The following VRTN variants were observed in gnomAD, a reference collection of about 807,000 sequenced individuals.
VRTN encodes the protein vertnin.
Under a neutral mutation model 18.2 loss-of-function variants are expected in VRTN, and 5 were observed. The ratio of observed to expected loss-of-function variants is 0.27; its 90% CI spans 0.14 to 0.58. VRTN has a LOEUF of 0.58. Ranked by LOEUF, VRTN falls within the 20% of genes least tolerant of loss-of-function variation. The pLI is 0.91. For missense variants in VRTN, 741 were observed against 939.4 expected (o/e 0.79, Z 2.76); for synonymous variants, 381 against 393.7 (o/e 0.97, Z 0.38).
Position 74,357,269 on chromosome 14 carries a change from G to A in VRTN, c.486G>A (p.Lys162=). ...TLEAIFDADV[K]ASCFPSSFSN... ...AGGCCATCTTCGATGCCGACGTCAA[G>A]GCCTCCTGTTTCCCCAGCAGCTTCT... is the stretch of plus-strand genomic sequence containing the variant. Residue 162 remains lysine (K), a synonymous_variant, in exon 2 of 2, where the codon AAG becomes AAA. Transcript: ENST00000256362. The surrounding 1 kb of genome is among the most constrained non-coding windows in gnomAD (Gnocchi z 7.8). 1.2e-6 allele frequency: 2 copies of A among 1,613,714 alleles called. No individual in the cohort carries two copies. The highest frequency in any genetic ancestry group is 1.7e-6 in the Non-Finnish European group (2 of 1,179,740).
chr14:74,337,785 C>A (rs1456968001), exon 2 of VRTN: 1 of 152,068 alleles, frequency 6.6e-6, no homozygotes, highest in Non-Finnish European at 1.5e-5. Flanking sequence ...TATCAAAGAC[C>A]CTGCAAACAA....
At chr14:74,350,618 T>C (rs886597891) in intron 1 of VRTN, among the ~76,000 whole-genome samples, 4 of 152,344 alleles carry the variant, frequency 2.6e-5, no homozygotes, top group Non-Finnish European at 4.4e-5. Flanking sequence ...GATGGAATTA[T>C]AGTGCTTAGA....
At chr14:74,324,387 CAAAA>C (rs34158619) in intron 1 of VRTN, among the ~76,000 whole-genome samples, 6 of 73,178 alleles carry the variant, frequency 8.2e-5, no homozygotes, top group African/African-American at 9.6e-5. Context: ...GACTCTGACT[CAAAA>C]AAAAAAAAAA....
intron 1 of VRTN, among the ~76,000 whole-genome samples, chr14:74,323,270 G>A (rs954542530): frequency 4.6e-5 from 7 of 152,036 alleles, no homozygotes; most frequent in African/African-American, 1.7e-4. Context: ...GAGGTTTGAA[G>A]GTGAGGATAC....
At chr14:74,350,802 A>G (rs1308230307) in intron 1 of VRTN, among the ~76,000 whole-genome samples, 1 of 152,230 alleles carries the variant, frequency 6.6e-6, no homozygotes, top group African/African-American at 2.4e-5. Context: ...GGTGAGAACC[A>G]CATATAAACA....
intron 1 of VRTN, among the ~76,000 whole-genome samples, chr14:74,320,317 G>A (rs1339981105): frequency 7.5e-6 from 1 of 133,718 alleles, no homozygotes; most frequent in Non-Finnish European, 1.5e-5. Flanking sequence ...CTGGAGTGCA[G>A]TGGCACAATC....
At chr14:74,329,735 T>C (rs1019249720) in intron 1 of VRTN, among the ~76,000 whole-genome samples, 18 of 151,962 alleles carry the variant, frequency 1.2e-4, no homozygotes, top group Admixed American at 2.0e-4. Context: ...TGTGCCACCA[T>C]GCCCAGCTAA....
At chr14:74,311,417 A>ATTTTTTTTTTTTT (rs397966191) in intron 1 of VRTN, among the ~76,000 whole-genome samples, 1 of 139,336 alleles carries the variant, frequency 7.2e-6, no homozygotes. Context: ...TGCAGCTTGC[A>ATTTTTTTTTTTTT]TTTTTTTTTT....
At chr14:74,312,755 T>TG (rs2085396246) in intron 1 of VRTN, among the ~76,000 whole-genome samples, 4 of 27,960 alleles carry the variant, frequency 1.4e-4, no homozygotes, top group Admixed American at 1.1e-3. Context: ...CTGGCCTGTG[T>TG]TTTTTTTTTT....
rs1312937307 is a variant in VRTN, at chr14:74,357,461, C to T, written c.678C>T (p.Pro226=). 4.3e-6 allele frequency: 7 copies of T among 1,611,970 alleles called. No individual in the cohort carries two copies. The Admixed American group carries it at 6.7e-5, about 15-fold the overall frequency. ...STLHIMWAGQ[P]LTSHFFRHQY... Reference sequence around the variant, plus strand: ...TGCACATCATGTGGGCTGGCCAGCCCCTCACCAGCCACTTCTTCCGCCACC... The same window carrying T: ...TGCACATCATGTGGGCTGGCCAGCCTCTCACCAGCCACTTCTTCCGCCACC... Residue 226 remains proline (P), a synonymous_variant, in exon 2 of 2, where the codon CCC becomes CCT. Coordinates refer to ENST00000256362, the MANE Select transcript of VRTN (RefSeq NM_018228.3). The surrounding 1 kb of genome is among the most constrained non-coding windows in gnomAD (Gnocchi z 7.8).
intron 1 of VRTN, chr14:74,306,199 C>T (rs1169776003): frequency 9.2e-6 from 1 of 109,120 alleles, no homozygotes; most frequent in Non-Finnish European, 1.7e-5. Flanking sequence ...GAGACAGAGT[C>T]TTGCTCTGTT....
At chr14:74,329,361 A>G (rs2085507418) in intron 1 of VRTN, among the ~76,000 whole-genome samples, 1 of 151,628 alleles carries the variant, frequency 6.6e-6, no homozygotes, top group African/African-American at 2.4e-5. Context: ...TGATCCTCCC[A>G]TCTCAGCTTC....
At chr14:74,303,911 G>A (rs556265226) in intron 1 of VRTN, among the ~76,000 whole-genome samples, 98 of 146,842 alleles carry the variant, frequency 6.7e-4, no homozygotes, top group African/African-American at 2.4e-3. Context: ...GAGTGCAATG[G>A]CGCGATATCG....
chr14:74,353,377 C>T (rs1048407636), intron 1 of VRTN, among the ~76,000 whole-genome samples: 2 of 152,188 alleles, frequency 1.3e-5, no homozygotes, highest in African/African-American at 4.8e-5. Context: ...TCAGTTTCCT[C>T]ACCTGTAAAT....
At chr14:74,316,935 A>C (rs945470791) in intron 1 of VRTN, among the ~76,000 whole-genome samples, 2 of 151,950 alleles carry the variant, frequency 1.3e-5, no homozygotes, top group African/African-American at 4.8e-5. Flanking sequence ...CCGCCCGGCA[A>C]GGAGGGATTA....
At chr14:74,335,479 T>G (rs1233410078) in intron 1 of VRTN, among the ~76,000 whole-genome samples, 4 of 152,208 alleles carry the variant, frequency 2.6e-5, no homozygotes, top group Non-Finnish European at 5.9e-5. Flanking sequence ...TAATATTAAT[T>G]GAGCATTTTG....
chr14:74,306,160 A>G (rs1302581017), intron 1 of VRTN: 5 of 61,942 alleles, frequency 8.1e-5, no homozygotes, highest in Non-Finnish European at 1.1e-4. Flanking sequence ...ATATATATAT[A>G]TATATATATA....
Position 74,357,116 on chromosome 14 carries a change from G to A in VRTN, c.333G>A (p.Glu111=). 3.1e-6 allele frequency: 5 copies of A among 1,601,694 alleles called. No individual in the cohort carries two copies. The highest frequency in any genetic ancestry group is 4.3e-6 in the Non-Finnish European group (5 of 1,176,286). The change falls in exon 2 of 2, where the codon GAG becomes GAA. Residue 111 remains glutamate (E), a synonymous_variant. Coordinates refer to ENST00000256362, the MANE Select transcript of VRTN (RefSeq NM_018228.3). The surrounding 1 kb of genome is among the most constrained non-coding windows in gnomAD (Gnocchi z 7.8). ...SLELRARTVV[E]MLLHRHYYLQ... is the part of the protein sequence containing the mutation. ...AGCTGCGGGCCCGCACCGTGGTAGA[G>A]ATGCTGCTGCACAGACACTACTACC... is the stretch of plus-strand genomic sequence containing the variant.
At chr14:74,317,357 C>A (rs1328275690) in intron 1 of VRTN, among the ~76,000 whole-genome samples, 1 of 152,186 alleles carries the variant, frequency 6.6e-6, no homozygotes, top group East Asian at 1.9e-4. Flanking sequence ...TTCTCCCCAA[C>A]TCTCCCTACC....
Sources: gnomAD v4.1 joint callset for allele counts (sites outside exome capture counted in the v4.1 genomes callset) on GRCh38, gnomAD v4.1.1 for gene constraint, Gnocchi (gnomAD v3.1) non-coding constraint, MANE v1.5 for transcripts, NCBI Gene and HGNC (gene_info 2026-07-23, HGNC 2026-07-21) for gene names.